Variants in C16orf87 observed in about 807,000 individuals in gnomAD.
C16orf87 encodes HDAC and MIER1 interacting protein 1.
In C16orf87, 13 loss-of-function variants were observed where a neutral mutation model predicts 21.0. The observed-to-expected ratio is 0.62, with a 90% CI of 0.40 to 0.98. The LOEUF (loss-of-function observed/expected upper bound fraction) is 0.98, where lower values mean the gene tolerates loss of function less well. Ranked by LOEUF, C16orf87 falls within the 50% of genes least tolerant of loss-of-function variation. The pLI is 0.00. For missense variants in C16orf87, 113 were observed against 180.4 expected (o/e 0.63, Z 2.14); for synonymous variants, 49 against 60.2 (o/e 0.81, Z 0.86).
At chr16:46,811,502 CAAAA>C (rs59450750) in intron 2 of C16orf87, among the ~76,000 whole-genome samples, 6 of 134,894 alleles carry the variant, frequency 4.4e-5, no homozygotes, top group Admixed American at 7.3e-5. Flanking sequence ...AACTCCATCT[CAAAA>C]AAAAAAAAAA....
At position 46,800,562 on chromosome 16, in the gene C16orf87, A is replaced by G. The variant is rs185531914; in HGVS notation, c.*2390T>C. The G allele has an allele frequency of 6.6e-6, 1 of 152,316 alleles. No homozygotes were observed. The highest frequency in any genetic ancestry group is 2.4e-5 in the African/African-American group (1 of 41,578). The allele number at this position is 152,316 out of a possible 1,614,324, so 9.4% of individuals were successfully genotyped here. On this transcript the variant is annotated 3_prime_UTR_variant, in exon 4 of 4. Transcript: ENST00000285697. ...AGAATAAGTTATCTTCAACAGACCT[A>G]ATCTAATTGTGGAATCATTTCAAGG...
chr16:46,798,743 C>CA lies in C16orf87; in HGVS notation c.*4208dup, dbSNP rs903527394. ...TGGGTGACAGAGTGAGACTCCGTGT[C>CA]AAAAAAAAAAGAAAAGAAAAGCTAT... On this transcript the variant is annotated 3_prime_UTR_variant, in exon 4 of 4. Transcript: ENST00000285697. 41 of 138,778 alleles carry CA rather than the reference C, an allele frequency of 3.0e-4. No individual in the cohort carries two copies. Among genetic ancestry groups the CA allele is most frequent in the Middle Eastern group, 3.7e-3 (1 of 268 alleles). 8.6% of individuals were successfully genotyped at this position (138,778 alleles called of 1,614,324 possible). A position where few individuals can be genotyped will look rare whatever the true frequency, so the allele number is the denominator to read the frequency against.
intron 2 of C16orf87, among the ~76,000 whole-genome samples, 153 bp downstream of exon 2, chr16:46,824,233 G>A (rs1031728678): frequency 2.0e-5 from 3 of 152,130 alleles, no homozygotes; most frequent in Admixed American, 1.3e-4. Flanking sequence ...TGAAACCAAC[G>A]TCGTAAACTA....
At position 46,800,740 on chromosome 16, in the gene C16orf87, T is replaced by C. The variant is rs1279017245; in HGVS notation, c.*2212A>G. On this transcript the variant is annotated 3_prime_UTR_variant, in exon 4 of 4. Coordinates refer to ENST00000285697, the MANE Select transcript of C16orf87 (RefSeq NM_001001436.4). ...AATATTTTCTGGGACCATTACAACATGCCTAGACAAATTAAATTTTTTAGC... is the reference window on the plus strand; with the variant it reads ...AATATTTTCTGGGACCATTACAACACGCCTAGACAAATTAAATTTTTTAGC... 1 of 152,200 alleles carries C rather than the reference T, an allele frequency of 6.6e-6. No homozygotes were observed. The highest frequency in any genetic ancestry group is 1.5e-5 in the Non-Finnish European group (1 of 68,028). 9.4% of individuals were successfully genotyped at this position (152,200 alleles called of 1,614,324 possible).
chr16:46,817,939 A>AC lies in C16orf87; in HGVS notation c.163+6446dup, dbSNP rs1959259215. The stretch of plus-strand genomic sequence containing the variant: ...AGCAAAAAAAAAAAAAAAAAAAAAA[A>AC]CCACAAAAATCAACTATATAAAAGC... On this transcript the variant is annotated intron_variant, in intron 2 of 3. Transcript: ENST00000285697. Among the ~76,000 whole-genome samples, 35 of 147,708 alleles carry AC rather than the reference A, an allele frequency of 2.4e-4. 1 individual carries two copies. The highest frequency in any genetic ancestry group is 8.3e-4 in the African/African-American group (33 of 39,884).
intron 2 of C16orf87, among the ~76,000 whole-genome samples, chr16:46,814,200 T>C (rs778490106): frequency 3.9e-5 from 6 of 152,138 alleles, no homozygotes; most frequent in Admixed American, 3.3e-4. Context: ...AATCCAAAAA[T>C]AGGAGTAAGT....
chr16:46,808,899 C>CA (rs1217405139), intron 3 of C16orf87, among the ~76,000 whole-genome samples: 2 of 150,438 alleles, frequency 1.3e-5, no homozygotes, highest in African/African-American at 4.9e-5. Context: ...AGGAAGCACA[C>CA]AAATCTCCCA....
At chr16:46,804,247 C>T (rs977156154) in intron 3 of C16orf87, among the ~76,000 whole-genome samples, 1 of 152,196 alleles carries the variant, frequency 6.6e-6, no homozygotes, top group African/African-American at 2.4e-5. Flanking sequence ...GAAATGATTG[C>T]TCTCTAGGCC....
At chr16:46,820,950 T>A (rs912015935) in intron 2 of C16orf87, among the ~76,000 whole-genome samples, 8 of 152,242 alleles carry the variant, frequency 5.3e-5, no homozygotes, top group Admixed American at 3.9e-4. Flanking sequence ...AAGTTGGTTA[T>A]CTTTCAGATA....
At chr16:46,816,360 TTATAA>T (rs555859700) in intron 2 of C16orf87, among the ~76,000 whole-genome samples, 85 of 152,312 alleles carry the variant, frequency 5.6e-4, no homozygotes, top group African/African-American at 2.0e-3. Flanking sequence ...AACTATACAC[TTATAA>T]ATGGTTAAAA....
intron 2 of C16orf87, among the ~76,000 whole-genome samples, chr16:46,811,322 G>A (rs969048386): frequency 5.9e-5 from 9 of 151,986 alleles, no homozygotes; most frequent in African/African-American, 2.2e-4. Context: ...TGACCAACAT[G>A]GCAAAACCCC....
intron 1 of C16orf87, among the ~76,000 whole-genome samples, chr16:46,826,730 A>T (rs1959636276): frequency 6.6e-6 from 1 of 152,166 alleles, no homozygotes; most frequent in Non-Finnish European, 1.5e-5. Flanking sequence ...GATGTCTGAC[A>T]TTTTTTCAAA....
At chr16:46,830,254 T>TAG (rs1351412076) in intron 1 of C16orf87, among the ~76,000 whole-genome samples, 4 of 51,938 alleles carry the variant, frequency 7.7e-5, no homozygotes, top group Admixed American at 1.9e-4. Context: ...GATAGAGAGA[T>TAG]AGAGAGAGAC....
At chr16:46,821,588 A>C (rs1168207137) in intron 2 of C16orf87, among the ~76,000 whole-genome samples, 1 of 152,240 alleles carries the variant, frequency 6.6e-6, no homozygotes, top group Non-Finnish European at 1.5e-5. Context: ...CAAAATAATA[A>C]TGAATTGCTT....
chr16:46,830,782 C>A lies in C16orf87; in HGVS notation c.66+302G>T, dbSNP rs1959825847. On this transcript the variant is annotated intron_variant, in intron 1 of 3. Coordinates refer to ENST00000285697, the MANE Select transcript of C16orf87 (RefSeq NM_001001436.4). ...TGTCACCGCCGCCGGCGAGGAGAGT[C>A]TGGGGCTCCAGACAGCCGCCCGGTG... is the stretch of plus-strand genomic sequence containing the variant. 1.1e-5 allele frequency: 3 copies of A among 277,400 alleles called. No homozygotes were observed. In the South Asian group the frequency reaches 4.5e-4, roughly 42 times the overall value. 17.2% of individuals were successfully genotyped at this position (277,400 alleles called of 1,614,324 possible). A position where few individuals can be genotyped will look rare whatever the true frequency, so the allele number is the denominator to read the frequency against.
At chr16:46,811,396 G>C (rs113118505) in intron 2 of C16orf87, among the ~76,000 whole-genome samples, 41 of 152,038 alleles carry the variant, frequency 2.7e-4, no homozygotes, top group African/African-American at 9.2e-4. Context: ...CCAGCTACTT[G>C]GGAGGCTGAG....
chr16:46,827,477 T>C (rs1377674672), intron 1 of C16orf87, among the ~76,000 whole-genome samples: 5 of 152,194 alleles, frequency 3.3e-5, no homozygotes, highest in Non-Finnish European at 7.3e-5. Context: ...AAGAAAATAT[T>C]CAAAGTATTG....
chr16:46,820,257 T>A (rs890479737), intron 2 of C16orf87, among the ~76,000 whole-genome samples: 2 of 152,226 alleles, frequency 1.3e-5, no homozygotes, highest in Non-Finnish European at 2.9e-5. Flanking sequence ...ATTTTAAAAA[T>A]ATCTTTTACA....
chr16:46,831,020 C>G (rs1555479715), intron 1 of C16orf87, 64 bp downstream of exon 1: 1 of 1,361,170 alleles, frequency 7.3e-7, no homozygotes, highest in South Asian at 1.3e-5. Context: ...GCGAGGCCCC[C>G]CTCCACAGAC....
Sources: allele counts gnomAD v4.1 joint callset (sites outside exome capture counted in the v4.1 genomes callset), GRCh38; gene constraint gnomAD v4.1.1; transcripts MANE v1.5; gene names NCBI Gene and HGNC (gene_info 2026-07-23, HGNC 2026-07-21).